Variants in SLC9A9 observed in about 807,000 individuals in gnomAD.
SLC9A9 encodes sodium/hydrogen exchanger 9.
SLC9A9 carries 62 observed loss-of-function variants against 77.8 expected under a neutral mutation model. The ratio of observed to expected loss-of-function variants is 0.80; its 90% confidence interval spans 0.65 to 0.98. The LOEUF is 0.98. Among genes scored for constraint, SLC9A9 ranks in the 50% least tolerant of loss-of-function variants. The pLI, the probability that SLC9A9 is intolerant of heterozygous loss-of-function variation, is 0.00. For missense variants in SLC9A9, 775 were observed against 774.9 expected (o/e 1.00, Z 0.00); for synonymous variants, 320 against 283.5 (o/e 1.13, Z -1.29).
At chr3:143,292,464 A>C (rs1276841099) in intron 14 of SLC9A9, among the ~76,000 whole-genome samples, 3 of 152,100 alleles carry the variant, frequency 2.0e-5, no homozygotes, top group Non-Finnish European at 4.4e-5. Flanking sequence ...TCTGAACCCA[A>C]ATCGGCCTAG....
intron 14 of SLC9A9, among the ~76,000 whole-genome samples, chr3:143,301,400 G>A (rs949611980): frequency 2.0e-5 from 3 of 152,202 alleles, no homozygotes; most frequent in Non-Finnish European, 4.4e-5. Context: ...GCAAGAGGGC[G>A]GAAATGATTT....
intron 9 of SLC9A9, among the ~76,000 whole-genome samples, chr3:143,500,896 T>G (rs2035912565): frequency 6.7e-6 from 1 of 150,274 alleles, no homozygotes; most frequent in African/African-American, 2.5e-5. Context: ...TAGAACAAAA[T>G]AAGAGTTTTA....
At chr3:143,631,804 C>G (rs1260554320) in intron 6 of SLC9A9, among the ~76,000 whole-genome samples, 1 of 152,052 alleles carries the variant, frequency 6.6e-6, no homozygotes, top group Non-Finnish European at 1.5e-5. Context: ...GATTTTTATG[C>G]TAGTTCTCTT....
intron 6 of SLC9A9, among the ~76,000 whole-genome samples, chr3:143,593,028 C>A (rs1411514454): frequency 6.6e-6 from 1 of 151,996 alleles, no homozygotes; most frequent in Non-Finnish European, 1.5e-5. Flanking sequence ...ACTTGGAATG[C>A]ATATTCCTTT....
At chr3:143,552,599 T>G in intron 8 of SLC9A9, 149 bp from the exon 9 acceptor site, 1 of 671,022 alleles carries the variant, frequency 1.5e-6, no homozygotes. Context: ...AGGTAAATCT[T>G]GCACTTGCTT....
At chr3:143,816,648 G>A (rs2009026052) in intron 2 of SLC9A9, among the ~76,000 whole-genome samples, 1 of 152,220 alleles carries the variant, frequency 6.6e-6, no homozygotes, top group East Asian at 1.9e-4. Context: ...GTGTATACAT[G>A]TGAGAGTTTC....
At chr3:143,330,067 C>T (rs2031721380) in intron 14 of SLC9A9, among the ~76,000 whole-genome samples, 2 of 152,254 alleles carry the variant, frequency 1.3e-5, no homozygotes, top group South Asian at 2.1e-4. Context: ...CTCCCCCATG[C>T]CTGGCTTAGA....
intron 4 of SLC9A9, among the ~76,000 whole-genome samples, chr3:143,762,228 T>C (rs192982864): frequency 1.3e-5 from 2 of 152,106 alleles, no homozygotes; most frequent in African/African-American, 2.4e-5. Flanking sequence ...CATTAGGAGA[T>C]ATACCTAATG....
rs1476194419 is a variant in SLC9A9, at chr3:143,412,043, C to T, written c.1470-29929G>A. Among the ~76,000 whole-genome samples, 5 of 152,148 alleles carry T rather than the reference C, an allele frequency of 3.3e-5. No individual in the cohort carries two copies. The East Asian group carries it at 9.7e-4, about 29-fold the overall frequency. ...CCGGGAGGGCCAGTAGTCAGTATGACTTGGTAACCTCATCAAATTCCACAC... is the reference window on the plus strand; with the variant it reads ...CCGGGAGGGCCAGTAGTCAGTATGATTTGGTAACCTCATCAAATTCCACAC... On this transcript the variant is annotated intron_variant, in intron 12 of 15. Coordinates refer to ENST00000316549, the MANE Select transcript of SLC9A9 (RefSeq NM_173653.4).
At chr3:143,342,830 G>A (rs2032148627) in intron 14 of SLC9A9, among the ~76,000 whole-genome samples, 1 of 152,182 alleles carries the variant, frequency 6.6e-6, no homozygotes, top group Non-Finnish European at 1.5e-5. Flanking sequence ...TCAGGTGCAG[G>A]TGCATGTGCA....
chr3:143,463,644 A>G (rs1207572254), intron 12 of SLC9A9, among the ~76,000 whole-genome samples: 2 of 152,208 alleles, frequency 1.3e-5, no homozygotes, highest in African/African-American at 2.4e-5. Flanking sequence ...TTTATTTTAC[A>G]TGAAAACCTC....
intron 12 of SLC9A9, among the ~76,000 whole-genome samples, chr3:143,452,117 A>C (rs2035017595): frequency 6.6e-6 from 1 of 152,152 alleles, no homozygotes; most frequent in African/African-American, 2.4e-5. Flanking sequence ...AGTGGGTAAA[A>C]GATTGTTAGA....
chr3:143,776,740 A>G (rs1389583464), intron 4 of SLC9A9, among the ~76,000 whole-genome samples: 1 of 152,216 alleles, frequency 6.6e-6, no homozygotes, highest in Non-Finnish European at 1.5e-5. Flanking sequence ...ATTTTACTAG[A>G]ACAGAATCTT....
chr3:143,695,167 C>T (rs1576664673), intron 4 of SLC9A9, among the ~76,000 whole-genome samples: 1 of 152,056 alleles, frequency 6.6e-6, no homozygotes. Context: ...TTTATTCATT[C>T]AAAAGATACT....
intron 14 of SLC9A9, among the ~76,000 whole-genome samples, chr3:143,280,542 AT>A (rs58879877): frequency 0.024 from 2,805 of 118,128 alleles, 29 homozygotes; most frequent in African/African-American, 0.065. Context: ...CTAGAACTAC[AT>A]TTTTTTTTTT....
chr3:143,313,859 G>T (rs941887151), intron 14 of SLC9A9, among the ~76,000 whole-genome samples: 2 of 152,214 alleles, frequency 1.3e-5, no homozygotes, highest in African/African-American at 4.8e-5. Flanking sequence ...GAGCAGGGAG[G>T]CTGACGGGGA....
chr3:143,271,107 T>C (rs1046353520), intron 14 of SLC9A9, among the ~76,000 whole-genome samples: 5 of 149,522 alleles, frequency 3.3e-5, no homozygotes, highest in East Asian at 3.9e-4. Context: ...GCCATTGTGG[T>C]TATCAGATCG....
chr3:143,848,231 A>G lies in SLC9A9; in HGVS notation c.92T>C (p.Leu31Pro). 1.2e-6 allele frequency: 2 copies of G among 1,614,042 alleles called. No homozygotes were observed. The part of the protein sequence containing the change: ...AVELLVFNFL[L>P]ILTILTIWLF... ...CCAGATTGTCAAAATGGTAAGGATG[A>G]GCAAAAAATTGAAGACAAGCAGCTC... Residue 31 changes from leucine (L) to proline (P), a missense_variant, in exon 1 of 16, where the codon CTC becomes CCC. Coordinates refer to ENST00000316549, the MANE Select transcript of SLC9A9 (RefSeq NM_173653.4).
At chr3:143,531,966 G>A (rs182163435) in intron 9 of SLC9A9, among the ~76,000 whole-genome samples, 42 of 152,258 alleles carry the variant, frequency 2.8e-4, no homozygotes, top group Middle Eastern at 3.4e-3. Flanking sequence ...TACATAATGC[G>A]TGATAATCAC....
Sources: allele counts gnomAD v4.1 joint callset (sites outside exome capture counted in the v4.1 genomes callset), GRCh38; gene constraint gnomAD v4.1.1; transcripts MANE v1.5; gene names NCBI Gene and HGNC (gene_info 2026-07-23, HGNC 2026-07-21).